Variants in GBF1 observed in about 807,000 individuals in gnomAD.
GBF1 encodes the protein Golgi-specific brefeldin A-resistance guanine nucleotide exchange factor 1.
In GBF1, 114 loss-of-function variants were observed where a neutral mutation model predicts 210.5. The observed-to-expected ratio is 0.54, with a 90% CI of 0.47 to 0.63. GBF1 has a LOEUF of 0.63. GBF1 is among the 30% of genes least tolerant of loss of function. The pLI, the probability that GBF1 is intolerant of heterozygous loss-of-function variation, is 0.00. For missense variants in GBF1, 1,851 were observed against 2,357.7 expected, an observed-to-expected ratio of 0.79 and a Z score of 4.45; for synonymous variants, 850 against 889.2, an observed-to-expected ratio of 0.96 and a Z score of 0.78.
At chr10:102,340,616 C>A (rs1443369272) in intron 3 of GBF1, among the ~76,000 whole-genome samples, 1 of 151,922 alleles carries the variant, frequency 6.6e-6, no homozygotes, top group African/African-American at 2.4e-5. Context: ...ACTATGTTGC[C>A]CAGGCTGGTC....
intron 1 of GBF1, among the ~76,000 whole-genome samples, chr10:102,252,639 G>A (rs2071710248): frequency 2.0e-5 from 3 of 151,904 alleles, no homozygotes; most frequent in Admixed American, 1.3e-4. Flanking sequence ...GAGCTCTGGA[G>A]TTTGAGACCA....
At chr10:102,350,388 G>A (rs1172269639) in intron 4 of GBF1, among the ~76,000 whole-genome samples, 1 of 151,822 alleles carries the variant, frequency 6.6e-6, no homozygotes, top group Non-Finnish European at 1.5e-5. Flanking sequence ...CTGTAATGTG[G>A]CACTCAGATA....
At position 102,376,955 on chromosome 10, in the gene GBF1, C is replaced by T. The variant is rs199931440; in HGVS notation, c.4309C>T (p.Arg1437Cys). Residue 1437 changes from arginine (R) to cysteine (C), a missense_variant, in exon 33 of 40, where the codon CGT (arginine) becomes TGT (cysteine). Arg to Cys is a radical substitution (Grantham distance 180). Transcript: ENST00000369983. Reference sequence around the variant, plus strand: ...CTCAGGATGCAAGTCCCAGGAGAAACGTGGCAAGAGTCACAAATATGACAG... The same window carrying T: ...CTCAGGATGCAAGTCCCAGGAGAAATGTGGCAAGAGTCACAAATATGACAG... ...LNGGCKSQEKRGKSHKYDSKG... is the reference protein window; with the variant it reads ...LNGGCKSQEKCGKSHKYDSKG... 3.1e-5 allele frequency: 50 copies of T among 1,613,944 alleles called. No homozygotes were observed. Among genetic ancestry groups the T allele is most frequent in the African/African-American group, 4.0e-5 (3 of 74,896 alleles).
At chr10:102,287,344 CTTTTTTTTTTTTTT>C (rs763880492) in intron 3 of GBF1, among the ~76,000 whole-genome samples, 11 of 69,526 alleles carry the variant, frequency 1.6e-4, no homozygotes, top group East Asian at 4.3e-4. Context: ...ATTTTATTTT[CTTTTTTTTTTTTTT>C]TTTTTTTTTT....
intron 3 of GBF1, among the ~76,000 whole-genome samples, chr10:102,286,944 C>T (rs184261984): frequency 2.4e-4 from 37 of 152,258 alleles, no homozygotes; most frequent in African/African-American, 8.7e-4. Context: ...AATATAATTA[C>T]TGGGAGGGGA....
At chr10:102,259,942 T>G (rs2072972067) in intron 2 of GBF1, 108 bp from the exon 3 acceptor site, 2 of 659,264 alleles carry the variant, frequency 3.0e-6, no homozygotes, top group Admixed American at 2.6e-5. Flanking sequence ...AAGGAAAACT[T>G]AAATGATTTT....
intron 8 of GBF1, among the ~76,000 whole-genome samples, chr10:102,357,145 T>G (rs2059337124): frequency 6.6e-6 from 1 of 152,084 alleles, no homozygotes; most frequent in Non-Finnish European, 1.5e-5. Context: ...CTTCCTTAAC[T>G]CCAAGGAATG....
intron 30 of GBF1, 34 bp downstream of exon 30, chr10:102,375,618 G>A (rs763346105): frequency 7.2e-7 from 1 of 1,386,354 alleles, no homozygotes; most frequent in Non-Finnish European, 1.0e-6. Context: ...CAGGCTGGCA[G>A]ATAAACAGTT....
At chr10:102,353,490 C>G (rs367666776) in intron 7 of GBF1, 110 bp from the exon 8 acceptor site, 59 of 779,654 alleles carry the variant, frequency 7.6e-5, no homozygotes, top group East Asian at 5.9e-4. Flanking sequence ...GTAGCCTTTT[C>G]TAAGACACAG....
intron 3 of GBF1, among the ~76,000 whole-genome samples, chr10:102,335,975 A>C (rs2057700407): frequency 6.6e-6 from 1 of 152,100 alleles, no homozygotes; most frequent in South Asian, 2.1e-4. Context: ...TCAAAGGTAG[A>C]ATTTTTATAT....
At chr10:102,309,886 A>G (rs1001864787) in intron 3 of GBF1, among the ~76,000 whole-genome samples, 3 of 152,192 alleles carry the variant, frequency 2.0e-5, no homozygotes, top group African/African-American at 7.2e-5. Flanking sequence ...AATTAGTTTC[A>G]ATTCTAGTGT....
At chr10:102,339,953 A>ATTT (rs398014644) in intron 3 of GBF1, among the ~76,000 whole-genome samples, 16 of 129,238 alleles carry the variant, frequency 1.2e-4, no homozygotes, top group African/African-American at 3.0e-4. Context: ...TACCTGGTTA[A>ATTT]TTTTTTTTTT....
intron 3 of GBF1, among the ~76,000 whole-genome samples, chr10:102,285,456 C>A (rs532201970): frequency 6.6e-6 from 1 of 152,218 alleles, no homozygotes; most frequent in African/African-American, 2.4e-5. Flanking sequence ...CCACTACTTA[C>A]AATGATACTA....
intron 3 of GBF1, among the ~76,000 whole-genome samples, chr10:102,313,064 G>T (rs2078617655): frequency 6.6e-6 from 1 of 152,074 alleles, no homozygotes; most frequent in African/African-American, 2.4e-5. Context: ...CTTAGGCAGG[G>T]CCAAGAAAGT....
In GBF1 at chr10:102,366,543, A is replaced by G; in HGVS notation, c.2433+37A>G. 6.3e-7 allele frequency: 1 copy of G among 1,594,544 alleles called. No homozygotes were observed. Among genetic ancestry groups the G allele is most frequent in the East Asian group, 2.2e-5 (1 of 44,466 alleles). On this transcript the variant is annotated intron_variant, in intron 19 of 39. Transcript: ENST00000369983. This position sits in a 1 kb window ranked among gnomAD's most constrained non-coding sequence, Gnocchi z 4.0. ...TGTCAGGGGCTGAGCCCAGGATCCA[A>G]GGTCAGTTTGACTGAGGGCTGAAGA...
chr10:102,301,677 G>A (rs1376856751), intron 3 of GBF1, among the ~76,000 whole-genome samples: 1 of 151,508 alleles, frequency 6.6e-6, no homozygotes, highest in Non-Finnish European at 1.5e-5. Context: ...GGGCGGCGGG[G>A]CAGAGGCGCT....
chr10:102,231,022 G>A, the GBF1 span: 6 of 1,599,436 alleles, frequency 3.8e-6, no homozygotes, highest in Non-Finnish European at 4.3e-6. Context: ...GAGCGGCGCC[G>A]CGAAGCTGCC....
chr10:102,271,036 TA>T (rs1367116470), intron 3 of GBF1, among the ~76,000 whole-genome samples: 6 of 150,378 alleles, frequency 4.0e-5, no homozygotes, highest in Non-Finnish European at 3.0e-5. Context: ...TTTATTTTAT[TA>T]TTATTATTAT....
chr10:102,263,754 C>T (rs1265083561), intron 3 of GBF1, among the ~76,000 whole-genome samples: 2 of 152,186 alleles, frequency 1.3e-5, no homozygotes, highest in African/African-American at 4.8e-5. Context: ...ATGATGACTA[C>T]AAGGTCTATA....
Sources: gnomAD v4.1 joint callset for allele counts (sites outside exome capture counted in the v4.1 genomes callset) on GRCh38, gnomAD v4.1.1 for gene constraint, Gnocchi (gnomAD v3.1) non-coding constraint, MANE v1.5 for transcripts, NCBI Gene and HGNC (gene_info 2026-07-23, HGNC 2026-07-21) for gene names.